The following SEPTIN9 variants were observed in gnomAD, a reference collection of about 807,000 sequenced individuals.
SEPTIN9 encodes the protein septin 9.
Under a neutral mutation model 56.6 loss-of-function variants are expected in SEPTIN9, and 13 were observed. The ratio of observed to expected loss-of-function variants is 0.23; its 90% CI spans 0.15 to 0.37. The LOEUF (loss-of-function observed/expected upper bound fraction) is 0.37. SEPTIN9 is among the 10% of genes least tolerant of loss of function. The probability of loss-of-function intolerance (pLI) is 1.00; values close to 1 mark genes in which losing one functional copy is unlikely to be tolerated. For synonymous variants in SEPTIN9, 332 were observed against 334.1 expected, an observed-to-expected ratio of 0.99 and a Z score of 0.07; for missense variants, 650 against 823.1, an observed-to-expected ratio of 0.79 and a Z score of 2.57.
chr17:77,476,180 A>G lies in SEPTIN9; in HGVS notation c.722-5964A>G, dbSNP rs951714617. Among the ~76,000 whole-genome samples, 1 of 152,144 alleles carries G rather than the reference A, an allele frequency of 6.6e-6. No individual in the cohort carries two copies. Among genetic ancestry groups the G allele is most frequent in the African/African-American group, 2.4e-5 (1 of 41,432 alleles). On this transcript the variant is annotated intron_variant, in intron 3 of 11. Coordinates refer to ENST00000427177, the MANE Select transcript of SEPTIN9 (RefSeq NM_001113491.2). The surrounding 1 kb of genome is among the most constrained non-coding windows in gnomAD (Gnocchi z 6.0). ...GGCAGCATGACACACAGGGAGGGGTAGGCAGAGAAGGGCGGCCCCTGGGTC... is the reference window on the plus strand; with the variant it reads ...GGCAGCATGACACACAGGGAGGGGTGGGCAGAGAAGGGCGGCCCCTGGGTC...
At chr17:77,373,458 C>T (rs1421036699) in intron 2 of SEPTIN9, 81 of 1,496,472 alleles carry the variant, frequency 5.4e-5, no homozygotes, top group Non-Finnish European at 6.8e-5. Context: ...GGCGCTTCCT[C>T]GCCGCTGCCC....
Position 77,329,806 on chromosome 17 carries a change from T to C in SEPTIN9, c.76+22609T>C, listed in dbSNP as rs1007392365. Among the ~76,000 whole-genome samples the C allele has an allele frequency of 6.6e-6, 1 of 152,088 alleles. No homozygotes were observed. The highest frequency in any genetic ancestry group is 2.4e-5 in the African/African-American group (1 of 41,404). On this transcript the variant is annotated intron_variant, in intron 2 of 11. Transcript: ENST00000427177. This position sits in a 1 kb window ranked among gnomAD's most constrained non-coding sequence, Gnocchi z 4.3. ...TATCCAGAACATTCTTGGCTGGCTC[T>C]TGGAGCTGGGGTGAGGCAGAACCTC...
At chr17:77,293,839 C>T (rs1268208943) in intron 1 of SEPTIN9, among the ~76,000 whole-genome samples, 4 of 152,270 alleles carry the variant, frequency 2.6e-5, no homozygotes, top group Non-Finnish European at 2.9e-5. Flanking sequence ...CACAGTGGCT[C>T]GTGCCTGTAA....
intron 1 of SEPTIN9, among the ~76,000 whole-genome samples, chr17:77,284,166 C>G (rs866948835): frequency 2.6e-5 from 4 of 152,144 alleles, no homozygotes; most frequent in African/African-American, 7.2e-5. Flanking sequence ...ACGAGGATCG[C>G]TTGAGCCCAG....
intron 2 of SEPTIN9, among the ~76,000 whole-genome samples, chr17:77,377,723 G>T (rs2034983164): frequency 6.6e-6 from 1 of 152,176 alleles, no homozygotes; most frequent in Non-Finnish European, 1.5e-5. Context: ...TGGCGCGCTG[G>T]CAGGATTCAG....
intron 2 of SEPTIN9, chr17:77,376,045 AG>A (rs75311611): frequency 0.22 from 209,549 of 967,760 alleles, 23,404 homozygotes; most frequent in East Asian, 0.48. Flanking sequence ...CTTCCGAATC[AG>A]GGTAGAGAAA....
At chr17:77,373,754 G>C (rs2034809692) in intron 2 of SEPTIN9, 1 of 1,068,674 alleles carries the variant, frequency 9.4e-7, no homozygotes, top group Non-Finnish European at 1.2e-6. Context: ...GACCCTGTTA[G>C]GGGCACCCGC....
At chr17:77,355,977 G>A (rs1179166896) in intron 2 of SEPTIN9, among the ~76,000 whole-genome samples, 5 of 43,028 alleles carry the variant, frequency 1.2e-4, no homozygotes, top group South Asian at 1.8e-3. Flanking sequence ...GCGAGACTCC[G>A]TCTCAAAAAA....
Position 77,428,370 on chromosome 17 carries a change from A to C in SEPTIN9, c.721+25667A>C, listed in dbSNP as rs143232533. On this transcript the variant is annotated intron_variant, in intron 3 of 11. Coordinates refer to ENST00000427177, the MANE Select transcript of SEPTIN9 (RefSeq NM_001113491.2). Reference sequence around the variant, plus strand: ...ACTGGGGAGACAGGCGAAGCGGTCAAGGGAGGGCTGTGAGTGACAGGTGGA... The same window carrying C: ...ACTGGGGAGACAGGCGAAGCGGTCACGGGAGGGCTGTGAGTGACAGGTGGA... Among the ~76,000 whole-genome samples, 752 of 152,326 alleles carry C rather than the reference A, an allele frequency of 4.9e-3. 9 individuals are homozygous for C. Among genetic ancestry groups the C allele is most frequent in the South Asian group, 0.027 (131 of 4,832 alleles).
chr17:77,412,365 C>T (rs375847016), intron 3 of SEPTIN9, among the ~76,000 whole-genome samples: 4 of 152,114 alleles, frequency 2.6e-5, no homozygotes, highest in East Asian at 1.9e-4. Flanking sequence ...ATTATCTCTT[C>T]GTATGTTATA....
At position 77,312,431 on chromosome 17, in the gene SEPTIN9, C is replaced by T. The variant is rs145511659; in HGVS notation, c.76+5234C>T. Among the ~76,000 whole-genome samples, 893 of 152,258 alleles carry T rather than the reference C, an allele frequency of 5.9e-3. 6 individuals carry two copies. Among genetic ancestry groups the T allele is most frequent in the South Asian group, 0.015 (72 of 4,826 alleles). ...CGCTCCTGGCTCTGAGTGCTCGGGC[C>T]CCCCCTGGATGGGTTGCCACTTGTC... is the stretch of plus-strand genomic sequence containing the variant. On this transcript the variant is annotated intron_variant, in intron 2 of 11. Transcript: ENST00000427177.
intron 3 of SEPTIN9, among the ~76,000 whole-genome samples, chr17:77,467,088 G>A (rs1046304717): frequency 2.6e-5 from 4 of 152,194 alleles, no homozygotes; most frequent in African/African-American, 9.7e-5. Flanking sequence ...CGCTGGGGCC[G>A]GCCATGTCAC....
intron 3 of SEPTIN9, among the ~76,000 whole-genome samples, chr17:77,459,616 G>C (rs1174793240): frequency 1.3e-5 from 2 of 152,164 alleles, no homozygotes; most frequent in Admixed American, 6.5e-5. Context: ...GCCAGCATCT[G>C]CTTGGCTTCT....
rs1476502808 is a variant in SEPTIN9, at chr17:77,317,580, C to T, written c.76+10383C>T. On this transcript the variant is annotated intron_variant, in intron 2 of 11. Coordinates refer to ENST00000427177, the MANE Select transcript of SEPTIN9 (RefSeq NM_001113491.2). The surrounding 1 kb of genome is among the most constrained non-coding windows in gnomAD (Gnocchi z 4.2). ...TCCCATCACCACCAGATGGGACCGTCTGGTTGCAGGAAAATAAGCTCAGGG... is the reference window on the plus strand; with the variant it reads ...TCCCATCACCACCAGATGGGACCGTTTGGTTGCAGGAAAATAAGCTCAGGG... Among the ~76,000 whole-genome samples the T allele has an allele frequency of 6.6e-6, 1 of 152,110 alleles. No homozygotes were observed. Among genetic ancestry groups the T allele is most frequent in the Non-Finnish European group, 1.5e-5 (1 of 68,026 alleles).
chr17:77,306,175 C>T (rs943264150), intron 1 of SEPTIN9, among the ~76,000 whole-genome samples: 2 of 151,994 alleles, frequency 1.3e-5, no homozygotes, highest in African/African-American at 2.4e-5. Flanking sequence ...TGGAGGGTTC[C>T]AGGGAGGAAC....
chr17:77,473,133 A>T (rs2039072364), intron 3 of SEPTIN9, among the ~76,000 whole-genome samples: 1 of 152,204 alleles, frequency 6.6e-6, no homozygotes. Flanking sequence ...ACTTGTTCTC[A>T]CTTGAGAGCT....
At chr17:77,288,229 T>C (rs1002259665) in intron 1 of SEPTIN9, 1 of 1,040,506 alleles carries the variant, frequency 9.6e-7, no homozygotes, top group Non-Finnish European at 1.2e-6. Flanking sequence ...ATTGCTCTCT[T>C]TCCGGCTCCT....
At position 77,437,144 on chromosome 17, in the gene SEPTIN9, C is replaced by G. The variant is rs959208243; in HGVS notation, c.721+34441C>G. 6.6e-6 allele frequency among the ~76,000 whole-genome samples: 1 copy of G among 152,232 alleles called. No homozygotes were observed. The highest frequency in any genetic ancestry group is 1.5e-5 in the Non-Finnish European group (1 of 68,038). ...ATCAGCATCCCTGCCTTGACACCCC[C>G]GTGTGGCAGCTGCTGTGATTCTGTG... On this transcript the variant is annotated intron_variant, in intron 3 of 11. Transcript: ENST00000427177. The surrounding 1 kb of genome is among the most constrained non-coding windows in gnomAD (Gnocchi z 5.3).
In SEPTIN9 at chr17:77,456,496, C is replaced by A. The variant is rs544586720; in HGVS notation, c.722-25648C>A. 1.3e-5 allele frequency: 2 copies of A among 152,668 alleles called. No homozygotes were observed. Among genetic ancestry groups the A allele is most frequent in the African/African-American group, 4.8e-5 (2 of 41,544 alleles). 9.5% of individuals were successfully genotyped at this position (152,668 alleles called of 1,614,324 possible). A position where few individuals can be genotyped will look rare whatever the true frequency, so the allele number is the denominator to read the frequency against. On this transcript the variant is annotated intron_variant, in intron 3 of 11. Transcript: ENST00000427177. The surrounding 1 kb of genome is among the most constrained non-coding windows in gnomAD (Gnocchi z 6.0). ...TGTCAGGATCCTCCAGCACCAGGTC[C>A]CCACCACCAGGTATGGGCCCCACAG... is the stretch of plus-strand genomic sequence containing the variant.
Sources: gnomAD v4.1 joint callset for allele counts (sites outside exome capture counted in the v4.1 genomes callset) on GRCh38, gnomAD v4.1.1 for gene constraint, Gnocchi (gnomAD v3.1) non-coding constraint, MANE v1.5 for transcripts, NCBI Gene and HGNC (gene_info 2026-07-23, HGNC 2026-07-21) for gene names.